Variants in RALGAPA1 observed in about 807,000 individuals in gnomAD.
The protein encoded by RALGAPA1 is ral GTPase-activating protein subunit alpha-1.
A neutral mutation model predicts 269.6 loss-of-function variants in RALGAPA1; 52 were observed. The observed-to-expected ratio is 0.19, with a 90% CI of 0.15 to 0.24. The LOEUF (loss-of-function observed/expected upper bound fraction) is 0.24, where lower values mean the gene tolerates loss of function less well. Among genes scored for constraint, RALGAPA1 ranks in the 10% least tolerant of loss-of-function variants. The pLI is 1.00. For synonymous variants in RALGAPA1, 817 were observed against 1,008.3 expected (o/e 0.81, Z 3.60); for missense variants, 1,917 against 3,013.9 (o/e 0.64, Z 8.52).
intron 3 of RALGAPA1, among the ~76,000 whole-genome samples, chr14:35,771,213 G>T (rs1386086841): frequency 6.6e-6 from 1 of 151,984 alleles, no homozygotes; most frequent in African/African-American, 2.4e-5. Context: ...GGCCAACATG[G>T]TGAAACCCTG....
chr14:35,615,606 T>G (rs8008481), intron 35 of RALGAPA1, among the ~76,000 whole-genome samples: 18,317 of 152,150 alleles, frequency 0.12, 1,162 homozygotes, highest in South Asian at 0.13. Flanking sequence ...AACAAATAAA[T>G]GTCATGCATT....
At chr14:35,607,297 A>G (rs1362049108) in intron 35 of RALGAPA1, among the ~76,000 whole-genome samples, 1 of 152,214 alleles carries the variant, frequency 6.6e-6, no homozygotes, top group Non-Finnish European at 1.5e-5. Flanking sequence ...CAGGCCTAGA[A>G]GACAGAGGTT....
intron 39 of RALGAPA1, among the ~76,000 whole-genome samples, chr14:35,549,773 A>G (rs1198924366): frequency 6.6e-6 from 1 of 152,112 alleles, no homozygotes; most frequent in African/African-American, 2.4e-5. Flanking sequence ...AATTGTTCTC[A>G]TTTTGAATGG....
At chr14:35,798,171 CTT>C (rs200882004) in intron 1 of RALGAPA1, among the ~76,000 whole-genome samples, 19 of 139,978 alleles carry the variant, frequency 1.4e-4, no homozygotes, top group Admixed American at 3.6e-4. Flanking sequence ...ACACGCTCGG[CTT>C]TTTTTTTTTT....
chr14:35,548,102 A>C (rs910385842), intron 41 of RALGAPA1, among the ~76,000 whole-genome samples: 1 of 152,120 alleles, frequency 6.6e-6, no homozygotes, highest in Non-Finnish European at 1.5e-5. Context: ...TCAGGTGCCT[A>C]GTGAAGTGCA....
At chr14:35,799,198 T>C (rs2076796875) in intron 1 of RALGAPA1, among the ~76,000 whole-genome samples, 1 of 152,170 alleles carries the variant, frequency 6.6e-6, no homozygotes, top group Non-Finnish European at 1.5e-5. Flanking sequence ...AGTAAATTCT[T>C]ACAAGGTTCT....
At chr14:35,755,427 T>C (rs141293304) in intron 7 of RALGAPA1, among the ~76,000 whole-genome samples, 1 of 152,298 alleles carries the variant, frequency 6.6e-6, no homozygotes, top group East Asian at 1.9e-4. Context: ...ATTATCTTAA[T>C]TGTAAAGGTT....
intron 1 of RALGAPA1, among the ~76,000 whole-genome samples, chr14:35,780,354 A>T (rs1030423530): frequency 2.0e-5 from 3 of 152,200 alleles, no homozygotes; most frequent in Non-Finnish European, 4.4e-5. Context: ...AGACCTAAAC[A>T]ATACTATAAT....
intron 3 of RALGAPA1, among the ~76,000 whole-genome samples, chr14:35,771,426 CA>C (rs2074612306): frequency 6.6e-6 from 1 of 151,872 alleles, no homozygotes; most frequent in Non-Finnish European, 1.5e-5. Context: ...AACAAACAAA[CA>C]AAAAACTACA....
chr14:35,647,880 G>A (rs145809863), intron 31 of RALGAPA1, among the ~76,000 whole-genome samples: 12 of 152,106 alleles, frequency 7.9e-5, no homozygotes, highest in East Asian at 1.9e-4. Flanking sequence ...CCTGGGAGGC[G>A]GAGGTTGCAG....
chr14:35,705,565 T>C (rs571412252), intron 16 of RALGAPA1, among the ~76,000 whole-genome samples: 21 of 152,308 alleles, frequency 1.4e-4, no homozygotes, highest in Non-Finnish European at 2.5e-4. Flanking sequence ...TGTACAACAG[T>C]TTGTCCATTC....
chr14:35,628,554 C>T (rs1308053412), intron 33 of RALGAPA1, among the ~76,000 whole-genome samples: 1 of 152,090 alleles, frequency 6.6e-6, no homozygotes, highest in Admixed American at 6.6e-5. Flanking sequence ...TTAATAGATT[C>T]CAGATTCAGA....
intron 16 of RALGAPA1, among the ~76,000 whole-genome samples, chr14:35,713,791 A>C (rs2068568021): frequency 6.6e-6 from 1 of 152,150 alleles, no homozygotes; most frequent in South Asian, 2.1e-4. Flanking sequence ...TTTGGCAACA[A>C]GTATATAAAA....
At chr14:35,766,992 C>A (rs1429849317) in intron 4 of RALGAPA1, 7 of 377,410 alleles carry the variant, frequency 1.9e-5, no homozygotes, top group Non-Finnish European at 3.6e-5. Flanking sequence ...CAGCTTCTTA[C>A]AGTAGCCAGA....
In RALGAPA1 at chr14:35,683,826, T is replaced by C; in HGVS notation, c.4454A>G (p.Glu1485Gly). 3 of 1,599,984 alleles carry C rather than the reference T, an allele frequency of 1.9e-6. No individual in the cohort carries two copies. Among genetic ancestry groups the C allele is most frequent in the Non-Finnish European group, 2.6e-6 (3 of 1,170,794 alleles). Residue 1485 changes from glutamate to glycine, a missense_variant, in exon 21 of 42, where the codon GAA becomes GGA. By Grantham distance (98) the Glu-to-Gly change is moderately conservative (BLOSUM62 -2). Around this residue, in one of 11 missense-constraint regions of RALGAPA1, gnomAD observed 615 missense variants for 790.0 expected, o/e 0.78. Transcript: ENST00000680220. ...AACTTTACCAGTAATAGTTGCAACT[T>C]CAGCAGAGAAAGCTTGCTGATTAAG... Reference protein sequence around the residue: ...SSLNQQAFSAEVATITGSESA... With the variant: ...SSLNQQAFSAGVATITGSESA...
rs763223109 is a variant in RALGAPA1, at chr14:35,655,782, T to C, written c.5496+25A>G. The C allele has an allele frequency of 3.1e-6, 5 of 1,606,568 alleles. No individual in the cohort carries two copies. In the South Asian group the frequency reaches 4.5e-5, roughly 14 times the overall value. The stretch of plus-strand genomic sequence containing the variant: ...ATATGCATTCTCTCCTATCTTAATA[T>C]ATTTCACTAAACAGTTTTCTTTACC... On this transcript the variant is annotated intron_variant, in intron 29 of 41. Transcript: ENST00000680220.
intron 1 of RALGAPA1, among the ~76,000 whole-genome samples, chr14:35,787,498 T>C (rs1273144354): frequency 6.6e-6 from 1 of 152,152 alleles, no homozygotes; most frequent in Non-Finnish European, 1.5e-5. Flanking sequence ...AAGGAAAGAG[T>C]AATTGTTGCT....
intron 39 of RALGAPA1, among the ~76,000 whole-genome samples, chr14:35,565,059 CA>C (rs1180908858): frequency 6.6e-6 from 1 of 152,038 alleles, no homozygotes; most frequent in African/African-American, 2.4e-5. Context: ...GTATCCCTCT[CA>C]AAATCTTTAC....
At position 35,809,132 on chromosome 14, in the gene RALGAPA1, T is replaced by C. The variant is rs1331128771; in HGVS notation, c.-297A>G. ...GCTGGCCGCCTGCCGCCGCCGCTCG[T>C]CTCCAGCGGCCGCCGCTCGCCGCCA... On this transcript the variant is annotated 5_prime_UTR_variant, in exon 1 of 42. Transcript: ENST00000680220. The C allele has an allele frequency of 1.3e-5, 4 of 311,100 alleles. No individual in the cohort carries two copies. The highest frequency in any genetic ancestry group is 7.4e-5 in the East Asian group (1 of 13,534). The allele number at this position is 311,100 out of a possible 1,614,324, so 19.3% of individuals were successfully genotyped here. A position where few individuals can be genotyped will look rare whatever the true frequency, so the allele number is the denominator to read the frequency against.
Sources: gnomAD v4.1 joint callset for allele counts (sites outside exome capture counted in the v4.1 genomes callset) on GRCh38, gnomAD v4.1.1 for gene constraint, gnomAD v4.1.1 regional missense constraint, MANE v1.5 for transcripts, NCBI Gene and HGNC (gene_info 2026-07-23, HGNC 2026-07-21) for gene names.